TMC2: variants seen among roughly 807,000 people sequenced by gnomAD.
The protein encoded by TMC2 is transmembrane channel-like protein 2.
TMC2 carries 102 observed loss-of-function variants against 105.9 expected under a neutral mutation model. That is an observed-to-expected ratio of 0.96 (90% CI 0.82 to 1.14). TMC2 has a LOEUF of 1.14. Among genes scored for constraint, TMC2 ranks in the 50% most tolerant of loss-of-function variants. The pLI, the probability that TMC2 is intolerant of heterozygous loss-of-function variation, is 0.00. For missense variants in TMC2, 1,093 were observed against 1,134.3 expected, an observed-to-expected ratio of 0.96 and a Z score of 0.52; for synonymous variants, 402 against 422.8, an observed-to-expected ratio of 0.95 and a Z score of 0.60.
At chr20:2,605,365 G>C (rs1030467675) in intron 11 of TMC2, among the ~76,000 whole-genome samples, 3 of 152,176 alleles carry the variant, frequency 2.0e-5, no homozygotes, top group African/African-American at 7.2e-5. Flanking sequence ...CGTTCTGGAG[G>C]CTGGAAGTCC....
intron 2 of TMC2, among the ~76,000 whole-genome samples, chr20:2,554,270 C>G (rs545572177): frequency 1.3e-5 from 2 of 152,222 alleles, no homozygotes; most frequent in African/African-American, 4.8e-5. Flanking sequence ...ATGTCTCCAG[C>G]CTGGGCAACG....
intron 5 of TMC2, among the ~76,000 whole-genome samples, chr20:2,576,466 C>A (rs1400473615): frequency 6.6e-6 from 1 of 152,200 alleles, no homozygotes; most frequent in East Asian, 1.9e-4. Context: ...AGGAACCGAC[C>A]GGCAGGCTGT....
In TMC2 at chr20:2,613,280, G is replaced by A. The variant is rs2086455826; in HGVS notation, c.1830G>A (p.Arg610=). 5 of 1,614,016 alleles carry A rather than the reference G, an allele frequency of 3.1e-6. No individual in the cohort carries two copies. The highest frequency in any genetic ancestry group is 2.2e-5 in the East Asian group (1 of 44,884). The change falls in exon 14 of 20, where the codon CGG becomes CGA. Residue 610 remains arginine (R), a synonymous_variant. Transcript: ENST00000358864. ...LGDFLRACFV[R]FMNYCWCWDL... is the part of the protein sequence containing the mutation. Reference sequence around the variant, plus strand: ...ACTTCCTACGGGCTTGTTTTGTGCGGTTCATGAACTACTGCTGGTGCTGGG... The same window carrying A: ...ACTTCCTACGGGCTTGTTTTGTGCGATTCATGAACTACTGCTGGTGCTGGG...
Position 2,608,479 on chromosome 20 carries a change from C to A in TMC2, c.1414-1940C>A, listed in dbSNP as rs546587811. ...AGTAGCTGGGACTACAGGCACGCAC[C>A]ACCACACCTGGCTAATTTTTGTATT... On this transcript the variant is annotated intron_variant, in intron 11 of 19. Transcript: ENST00000358864. Among the ~76,000 whole-genome samples the A allele has an allele frequency of 2.0e-3, 300 of 152,132 alleles. 1 individual carries two copies. Among genetic ancestry groups the A allele is most frequent in the African/African-American group, 6.9e-3 (286 of 41,512 alleles).
intron 10 of TMC2, among the ~76,000 whole-genome samples, chr20:2,601,265 T>G (rs2086349753): frequency 6.6e-6 from 1 of 152,260 alleles, no homozygotes; most frequent in Non-Finnish European, 1.5e-5. Context: ...GCATTCCAAT[T>G]TATTTACATC....
chr20:2,560,140 G>A (rs1371987332), intron 3 of TMC2, among the ~76,000 whole-genome samples: 1 of 152,134 alleles, frequency 6.6e-6, no homozygotes, highest in Non-Finnish European at 1.5e-5. Context: ...ACATCCCAGT[G>A]AGGCTTTGAA....
chr20:2,603,425 A>G (rs1011794461), intron 11 of TMC2, among the ~76,000 whole-genome samples: 2 of 152,246 alleles, frequency 1.3e-5, no homozygotes, highest in Non-Finnish European at 2.9e-5. Flanking sequence ...TTAAGTCTAA[A>G]TATATCAGTG....
intron 19 of TMC2, 105 bp from the exon 20 acceptor site, chr20:2,641,029 A>G: frequency 1.0e-6 from 1 of 970,434 alleles, no homozygotes; most frequent in South Asian, 1.4e-5. Flanking sequence ...CACATCACCA[A>G]ATAGGACTAA....
rs960433112 is a variant in TMC2, at chr20:2,638,117, G to A, written c.2503+526G>A. Among the ~76,000 whole-genome samples, 33 of 152,244 alleles carry A rather than the reference G, an allele frequency of 2.2e-4. No individual in the cohort carries two copies. The South Asian group carries it at 2.3e-3, about 11-fold the overall frequency. On this transcript the variant is annotated intron_variant, in intron 19 of 19. Coordinates refer to ENST00000358864, the MANE Select transcript of TMC2 (RefSeq NM_080751.3). ...AGCACTTTGGGAGGCCGACGCGGGC[G>A]GATCACAAGGTCAGGAGATCGAGGC...
chr20:2,630,062 A>G (rs994408409), intron 17 of TMC2, among the ~76,000 whole-genome samples: 2 of 152,244 alleles, frequency 1.3e-5, no homozygotes, highest in African/African-American at 4.8e-5. Flanking sequence ...ACTGAACTTA[A>G]AACACCTAAT....
chr20:2,631,700 T>C (rs1600142044), intron 17 of TMC2, among the ~76,000 whole-genome samples: 1 of 73,050 alleles, frequency 1.4e-5, no homozygotes, highest in Admixed American at 1.8e-4. Context: ...TCTTTGACTA[T>C]GGCTGTTTTT....
intron 2 of TMC2, among the ~76,000 whole-genome samples, chr20:2,549,020 C>T (rs1454533200): frequency 6.6e-6 from 1 of 152,094 alleles, no homozygotes; most frequent in East Asian, 1.9e-4. Context: ...AGTTCATTTG[C>T]CAAATTTTTA....
At chr20:2,596,717 A>ATATGTGTG (rs375342608) in intron 9 of TMC2, among the ~76,000 whole-genome samples, 38 of 146,210 alleles carry the variant, frequency 2.6e-4, no homozygotes, top group African/African-American at 9.3e-4. Context: ...AAAAATATAT[A>ATATGTGTG]TGTGTGTGTG....
intron 11 of TMC2, among the ~76,000 whole-genome samples, chr20:2,604,096 G>A (rs909994278): frequency 5.3e-5 from 8 of 152,216 alleles, no homozygotes; most frequent in African/African-American, 1.7e-4. Context: ...AAGTCATTCA[G>A]GCACTGGCCA....
intron 4 of TMC2, among the ~76,000 whole-genome samples, chr20:2,568,835 G>T (rs549437700): frequency 7.9e-5 from 12 of 152,090 alleles, no homozygotes; most frequent in African/African-American, 2.9e-4. Context: ...AGTAGGACAG[G>T]CAGCCTCACT....
chr20:2,541,820 G>A (rs934109953), intron 2 of TMC2, among the ~76,000 whole-genome samples: 3 of 151,756 alleles, frequency 2.0e-5, no homozygotes, highest in East Asian at 1.9e-4. Flanking sequence ...TTTTAAAAAC[G>A]TAATACTATA....
chr20:2,589,324 G>GTGTGTGTGTGTGTGTA (rs71193978), intron 7 of TMC2, among the ~76,000 whole-genome samples: 2 of 148,832 alleles, frequency 1.3e-5, no homozygotes, highest in African/African-American at 5.0e-5. Context: ...GTGTGTGTGT[G>GTGTGTGTGTGTGTGTA]GAGATGGGGT....
rs530427109 is a variant in TMC2, at chr20:2,618,614, G to A, written c.2180+1303G>A. On this transcript the variant is annotated intron_variant, in intron 16 of 19. Coordinates refer to ENST00000358864, the MANE Select transcript of TMC2 (RefSeq NM_080751.3). ...GGGGTTCAATACATAAGTCAAGCTA[G>A]TTGGGAGACTAGATATTGTATAAAA... is the stretch of plus-strand genomic sequence containing the variant. Among the ~76,000 whole-genome samples the A allele has an allele frequency of 3.9e-5, 6 of 152,180 alleles. No homozygotes were observed. In the East Asian group the frequency reaches 1.2e-3, roughly 29 times the overall value.
Position 2,612,179 on chromosome 20 carries a change from CT to C in TMC2, c.1594-10del. ...GCTCCTTCCTACCCCACACCTCCAT[CT>C]TCTGTTCTAGCTTGCTAATGAAGAG... On this transcript the variant is annotated splice_polypyrimidine_tract_variant and intron_variant, in intron 12 of 19. Coordinates refer to ENST00000358864, the MANE Select transcript of TMC2 (RefSeq NM_080751.3). 1 of 1,580,522 alleles carries C rather than the reference CT, an allele frequency of 6.3e-7. No individual in the cohort carries two copies. Among genetic ancestry groups the C allele is most frequent in the Non-Finnish European group, 8.6e-7 (1 of 1,156,204 alleles).
Sources: gnomAD v4.1 joint callset for allele counts (sites outside exome capture counted in the v4.1 genomes callset) on GRCh38, gnomAD v4.1.1 for gene constraint, MANE v1.5 for transcripts, NCBI Gene and HGNC (gene_info 2026-07-23, HGNC 2026-07-21) for gene names.